The following RFT1 variants were observed in gnomAD, a reference collection of about 807,000 sequenced individuals.
RFT1 encodes RFT1 glycolipid translocator homolog.
A neutral mutation model predicts 62.2 loss-of-function variants in RFT1; 43 were observed. That is an observed-to-expected ratio of 0.69 (90% CI 0.54 to 0.89). RFT1 has a LOEUF of 0.89. RFT1 is among the 40% of genes least tolerant of loss of function. The pLI is 0.00. For synonymous variants in RFT1, 262 were observed against 264.6 expected, an observed-to-expected ratio of 0.99 and a Z score of 0.10; for missense variants, 605 against 649.9, an observed-to-expected ratio of 0.93 and a Z score of 0.75.
the RFT1 span, among the ~76,000 whole-genome samples, chr3:53,071,964 A>C: frequency 6.6e-6 from 1 of 152,176 alleles, no homozygotes; most frequent in South Asian, 2.1e-4. Context: ...TGGGTTTAGC[A>C]CCACTGTGGC....
intron 11 of RFT1, among the ~76,000 whole-genome samples, chr3:53,098,054 C>T (rs985059897): frequency 9.9e-5 from 15 of 152,168 alleles, no homozygotes; most frequent in Non-Finnish European, 1.5e-4. Flanking sequence ...GCGTGTCCTA[C>T]GCATAACTGG....
the RFT1 span, among the ~76,000 whole-genome samples, chr3:53,066,919 T>C: frequency 6.6e-6 from 1 of 152,174 alleles, no homozygotes; most frequent in African/African-American, 2.4e-5. Flanking sequence ...CAAATATCCA[T>C]CAATAGGAGA....
At chr3:53,086,568 G>A (rs993773115), downstream of RFT1, among the ~76,000 whole-genome samples, 3 of 152,010 alleles carry the variant, frequency 2.0e-5, no homozygotes, top group African/African-American at 4.8e-5. Context: ...CACCTGCCTC[G>A]GCCTCCCAAA....
the RFT1 span, among the ~76,000 whole-genome samples, chr3:53,073,834 G>C: frequency 6.6e-6 from 1 of 152,302 alleles, no homozygotes; most frequent in African/African-American, 2.4e-5. Flanking sequence ...CCCTGCGGGA[G>C]ACCACAAAGC....
At chr3:53,094,317 C>T (rs954850875) in intron 11 of RFT1, among the ~76,000 whole-genome samples, 17 of 151,296 alleles carry the variant, frequency 1.1e-4, no homozygotes, top group African/African-American at 2.2e-4. Context: ...TGTGGAGATA[C>T]GCTTTATCAA....
In RFT1 at chr3:53,091,921, G is replaced by C. The variant is rs757851297; in HGVS notation, c.1608C>G (p.Arg536=). The C allele has an allele frequency of 2.5e-6, 4 of 1,614,086 alleles. No homozygotes were observed. The Admixed American group carries it at 6.7e-5, about 27-fold the overall frequency. ...CCTGAAGTCATGTCATTTTGTCAGTGCGTCTGGGCACACCTAACTGAGTCC... is the reference window on the plus strand; with the variant it reads ...CCTGAAGTCATGTCATTTTGTCAGTCCGTCTGGGCACACCTAACTGAGTCC... ...FLRTQLGVPR[R]TDKMT The change falls in exon 13 of 13, where the codon CGC becomes CGG. Residue 536 remains arginine (R), a synonymous_variant. Coordinates refer to ENST00000296292, the MANE Select transcript of RFT1 (RefSeq NM_052859.4).
chr3:53,095,186 C>G (rs1701107755), intron 11 of RFT1, among the ~76,000 whole-genome samples: 1 of 151,882 alleles, frequency 6.6e-6, no homozygotes, highest in Non-Finnish European at 1.5e-5. Context: ...TTGCTTGAAC[C>G]CGGGATGCGG....
chr3:53,087,341 C>G (rs1700876400), downstream of RFT1, among the ~76,000 whole-genome samples: 4 of 152,198 alleles, frequency 2.6e-5, no homozygotes, highest in South Asian at 8.3e-4. Flanking sequence ...GGCCAGGGAT[C>G]ATGCTGCCCC....
chr3:53,127,726 A>G lies in RFT1; in HGVS notation c.64-1732T>C, dbSNP rs186089344. Among the ~76,000 whole-genome samples the G allele has an allele frequency of 2.3e-3, 352 of 152,214 alleles. 1 individual carries two copies. The highest frequency in any genetic ancestry group is 7.4e-3 in the African/African-American group (308 of 41,550). On this transcript the variant is annotated intron_variant, in intron 1 of 12. Coordinates refer to ENST00000296292, the MANE Select transcript of RFT1 (RefSeq NM_052859.4). ...AAAGGTAGGAGGATCACTTGAAGCCAGGAATTTGAGACCAGCCTGGGCAAC... is the reference window on the plus strand; with the variant it reads ...AAAGGTAGGAGGATCACTTGAAGCCGGGAATTTGAGACCAGCCTGGGCAAC...
chr3:53,107,071 C>T (rs1447334514), intron 7 of RFT1, among the ~76,000 whole-genome samples: 1 of 150,670 alleles, frequency 6.6e-6, no homozygotes, highest in African/African-American at 2.4e-5. Flanking sequence ...ACTTTATTGA[C>T]AGCAAATCTC....
chr3:53,090,784 C>G lies in RFT1; in HGVS notation c.*1119G>C, dbSNP rs1440384120. 2 of 152,176 alleles carry G rather than the reference C, an allele frequency of 1.3e-5. No homozygotes were observed. The highest frequency in any genetic ancestry group is 2.9e-5 in the Non-Finnish European group (2 of 68,026). 9.4% of individuals were successfully genotyped at this position (152,176 alleles called of 1,614,324 possible). ...TAATACATTAACAAAAAAATAAAAA[C>G]ACTTCACACTCCAGAACACTGCTCA... is the stretch of plus-strand genomic sequence containing the variant. On this transcript the variant is annotated 3_prime_UTR_variant, in exon 13 of 13. Transcript: ENST00000296292.
chr3:53,072,585 T>A, the RFT1 span, among the ~76,000 whole-genome samples: 1 of 152,190 alleles, frequency 6.6e-6, no homozygotes, highest in African/African-American at 2.4e-5. Flanking sequence ...GACTTGTCAC[T>A]CTCTGCCAAT....
chr3:53,098,604 C>A (rs192775751), intron 11 of RFT1, among the ~76,000 whole-genome samples: 6 of 151,948 alleles, frequency 3.9e-5, no homozygotes, highest in Admixed American at 6.6e-5. Flanking sequence ...AGATCGAGAC[C>A]AACCTGGCTG....
chr3:53,086,552 G>C (rs777771362), downstream of RFT1, among the ~76,000 whole-genome samples: 1 of 152,138 alleles, frequency 6.6e-6, no homozygotes, highest in African/African-American at 2.4e-5. Context: ...CTGACCTCAG[G>C]CGATCCACCT....
the RFT1 span, chr3:53,078,086 G>C: frequency 6.6e-6 from 1 of 152,408 alleles, no homozygotes; most frequent in South Asian, 2.1e-4. Flanking sequence ...CTGGGGCTGA[G>C]AGGCGGTGAA....
At position 53,123,744 on chromosome 3, in the gene RFT1, G is replaced by A; in HGVS notation, c.246C>T (p.Thr82=). Residue 82 remains threonine, a synonymous_variant, in exon 3 of 13, where the codon ACC becomes ACT. Coordinates refer to ENST00000296292, the MANE Select transcript of RFT1 (RefSeq NM_052859.4). ...SGGTQRDWSQ[T]LNLLWLTVPL... is the part of the protein sequence containing the mutation. ...CTCACGTTAGCCACAGCAGGTTGAG[G>A]GTCTGGCTCCAGTCTCGCTGGGTGC... The A allele has an allele frequency of 6.2e-7, 1 of 1,613,974 alleles. No homozygotes were observed. Among genetic ancestry groups the A allele is most frequent in the Non-Finnish European group, 8.5e-7 (1 of 1,179,832 alleles).
At position 53,126,064 on chromosome 3, in the gene RFT1, C is replaced by T. The variant is rs529628389; in HGVS notation, c.64-70G>A. 4.8e-4 allele frequency: 600 copies of T among 1,250,032 alleles called. 2 individuals carry two copies. The highest frequency in any genetic ancestry group is 1.3e-3 in the South Asian group (103 of 78,774). 77.4% of individuals were successfully genotyped at this position (1,250,032 alleles called of 1,614,324 possible). ...AGTGTTTACTTAGCTGAAATGAGAACAATGTGGCTGTTCTTCCTAATGTGA... is the reference window on the plus strand; with the variant it reads ...AGTGTTTACTTAGCTGAAATGAGAATAATGTGGCTGTTCTTCCTAATGTGA... On this transcript the variant is annotated intron_variant, in intron 1 of 12. Transcript: ENST00000296292.
At chr3:53,111,947 C>A in intron 6 of RFT1, 39 bp from the exon 7 acceptor site, 1 of 1,509,824 alleles carries the variant, frequency 6.6e-7, no homozygotes, top group Non-Finnish European at 9.2e-7. Context: ...ACATCACAGG[C>A]GTTGCAAGTC....
chr3:53,120,455 G>A (rs555870285), intron 5 of RFT1, among the ~76,000 whole-genome samples: 21 of 152,256 alleles, frequency 1.4e-4, no homozygotes, highest in African/African-American at 2.9e-4. Flanking sequence ...TATAAACCCC[G>A]GAAACCTGTG....
Sources: gnomAD v4.1 joint callset for allele counts (sites outside exome capture counted in the v4.1 genomes callset) on GRCh38, gnomAD v4.1.1 for gene constraint, MANE v1.5 for transcripts, NCBI Gene and HGNC (gene_info 2026-07-23, HGNC 2026-07-21) for gene names.